The following EYS variants were observed in gnomAD, a reference collection of about 807,000 sequenced individuals.
The protein encoded by EYS is protein eyes shut homolog.
In EYS, 250 loss-of-function variants were observed where a neutral mutation model predicts 282.1. The ratio of observed to expected loss-of-function variants is 0.89; its 90% CI spans 0.80 to 0.98. EYS has a LOEUF of 0.98. Among genes scored for constraint, EYS ranks in the 50% least tolerant of loss-of-function variants. The pLI, the probability that EYS is intolerant of heterozygous loss-of-function variation, is 0.00. For synonymous variants in EYS, 1,355 were observed against 1,282.9 expected, an observed-to-expected ratio of 1.06 and a Z score of -1.20; for missense variants, 4,016 against 3,709.0, an observed-to-expected ratio of 1.08 and a Z score of -2.15.
intron 26 of EYS, among the ~76,000 whole-genome samples, chr6:64,553,105 C>T (rs1309073407): frequency 6.6e-6 from 1 of 152,098 alleles, no homozygotes; most frequent in Non-Finnish European, 1.5e-5. Flanking sequence ...TGTAGCCCAA[C>T]CACCTTGGGC....
At chr6:65,089,772 GA>G (rs998883848) in intron 12 of EYS, among the ~76,000 whole-genome samples, 2 of 151,644 alleles carry the variant, frequency 1.3e-5, no homozygotes, top group African/African-American at 4.8e-5. Context: ...CAGCCAACAT[GA>G]CAAAACCCCA....
At chr6:64,556,666 T>A (rs909654692) in intron 26 of EYS, among the ~76,000 whole-genome samples, 2 of 151,834 alleles carry the variant, frequency 1.3e-5, no homozygotes, top group Non-Finnish European at 2.9e-5. Context: ...CTCAGGAAGA[T>A]AAAGGAGGAA....
At position 65,337,695 on chromosome 6, in the gene EYS, G is replaced by A. The variant is rs532221664; in HGVS notation, c.1600-2549C>T. Among the ~76,000 whole-genome samples, 59 of 150,944 alleles carry A rather than the reference G, an allele frequency of 3.9e-4. 1 individual carries two copies. The South Asian group carries it at 9.4e-3, about 24-fold the overall frequency. ...AGCTATATTTTCTAGCTTATAAGCCGTATTCAAAATTTGTTAATTTTTAAA... is the reference window on the plus strand; with the variant it reads ...AGCTATATTTTCTAGCTTATAAGCCATATTCAAAATTTGTTAATTTTTAAA... On this transcript the variant is annotated intron_variant, in intron 10 of 42. Coordinates refer to ENST00000503581, the MANE Select transcript of EYS (RefSeq NM_001142800.2).
chr6:64,707,139 ATG>A (rs1771049377), intron 22 of EYS, among the ~76,000 whole-genome samples: 2 of 139,040 alleles, frequency 1.4e-5, no homozygotes, highest in African/African-American at 2.6e-5. Flanking sequence ...ACATATATAT[ATG>A]TGTCATGGAA....
intron 24 of EYS, among the ~76,000 whole-genome samples, chr6:64,597,104 G>A (rs150277247): frequency 1.8e-4 from 27 of 152,002 alleles, no homozygotes; most frequent in African/African-American, 5.1e-4. Context: ...GCCAAGAAAC[G>A]TATGAAAAGC....
intron 22 of EYS, among the ~76,000 whole-genome samples, chr6:64,645,145 G>T (rs1347750879): frequency 6.6e-6 from 1 of 152,108 alleles, no homozygotes; most frequent in Non-Finnish European, 1.5e-5. Context: ...CAGACTAATA[G>T]AAAGTTTTAG....
At chr6:65,203,037 G>C (rs1319466211) in intron 12 of EYS, among the ~76,000 whole-genome samples, 2 of 152,178 alleles carry the variant, frequency 1.3e-5, no homozygotes, top group Admixed American at 1.3e-4. Context: ...CTTAGTGGCA[G>C]AGCACAGGAT....
At chr6:64,775,999 T>G (rs1562185303) in intron 22 of EYS, among the ~76,000 whole-genome samples, 1 of 152,056 alleles carries the variant, frequency 6.6e-6, no homozygotes, top group Non-Finnish European at 1.5e-5. Context: ...ACTTGTAAAA[T>G]GTATCAGCCA....
At chr6:63,783,247 T>A (rs1770282161) in intron 39 of EYS, among the ~76,000 whole-genome samples, 1 of 152,204 alleles carries the variant, frequency 6.6e-6, no homozygotes, top group Non-Finnish European at 1.5e-5. Flanking sequence ...AGAAGCTTAT[T>A]TCCTGTTCAT....
At chr6:65,595,611 C>A (rs1425826034) in intron 2 of EYS, among the ~76,000 whole-genome samples, 1 of 150,514 alleles carries the variant, frequency 6.6e-6, no homozygotes, top group Non-Finnish European at 1.5e-5. Flanking sequence ...TGTAAAATAC[C>A]TAGGACATAA....
intron 35 of EYS, among the ~76,000 whole-genome samples, chr6:63,960,579 T>C (rs1383973529): frequency 2.0e-5 from 3 of 152,204 alleles, no homozygotes; most frequent in Non-Finnish European, 4.4e-5. Context: ...AAATCTTTCA[T>C]GACAAGAAGA....
intron 23 of EYS, among the ~76,000 whole-genome samples, chr6:64,620,038 TA>T (rs1767395594): frequency 6.6e-6 from 1 of 151,864 alleles, no homozygotes; most frequent in Non-Finnish European, 1.5e-5. Flanking sequence ...GGATAGAAAA[TA>T]AATTAGTCAA....
intron 26 of EYS, among the ~76,000 whole-genome samples, chr6:64,534,551 T>C (rs1157225490): frequency 6.6e-6 from 1 of 152,188 alleles, no homozygotes; most frequent in Non-Finnish European, 1.5e-5. Flanking sequence ...TCCCTTTTGC[T>C]TTCATTCTGC....
chr6:63,806,014 C>T (rs1408332929), intron 37 of EYS, among the ~76,000 whole-genome samples, 176 bp downstream of exon 37: 1 of 152,180 alleles, frequency 6.6e-6, no homozygotes, highest in Non-Finnish European at 1.5e-5. Flanking sequence ...CAGAAAGGAT[C>T]AGGGAACTGC....
chr6:63,803,445 GAA>G (rs887802645), intron 37 of EYS, among the ~76,000 whole-genome samples: 3 of 152,148 alleles, frequency 2.0e-5, no homozygotes, highest in African/African-American at 7.2e-5. Flanking sequence ...CTATAAGTGA[GAA>G]GAGAAATTTA....
intron 5 of EYS, among the ~76,000 whole-genome samples, chr6:65,448,672 TA>T (rs1158255432): frequency 2.4e-4 from 37 of 152,186 alleles, no homozygotes; most frequent in African/African-American, 8.7e-4. Context: ...TACTGCTTTA[TA>T]AAGCTCTTAC....
chr6:65,393,213 C>T (rs920221547), intron 7 of EYS, among the ~76,000 whole-genome samples: 12 of 152,026 alleles, frequency 7.9e-5, no homozygotes, highest in African/African-American at 1.7e-4. Flanking sequence ...GGGAGATATA[C>T]CTAATGCTAG....
chr6:65,031,853 T>C (rs886882370), intron 13 of EYS, among the ~76,000 whole-genome samples: 2 of 139,294 alleles, frequency 1.4e-5, no homozygotes, highest in African/African-American at 6.0e-5. Flanking sequence ...ACCTGAAAGT[T>C]AGCAGAAAAA....
chr6:64,160,415 G>T (rs1775068643), intron 31 of EYS, among the ~76,000 whole-genome samples: 1 of 152,114 alleles, frequency 6.6e-6, no homozygotes, highest in Non-Finnish European at 1.5e-5. Context: ...TTGAACACCA[G>T]ATTGGTTTTA....
Sources: gnomAD v4.1 joint callset for allele counts (sites outside exome capture counted in the v4.1 genomes callset) on GRCh38, gnomAD v4.1.1 for gene constraint, MANE v1.5 for transcripts, NCBI Gene and HGNC (gene_info 2026-07-23, HGNC 2026-07-21) for gene names.